RASAL2: variants seen among roughly 807,000 people sequenced by gnomAD.
RASAL2 encodes RAS protein activator like 2, also known as ras GTPase-activating protein nGAP.
A neutral mutation model predicts 128.9 loss-of-function variants in RASAL2; 58 were observed. That is an observed-to-expected ratio of 0.45 (90% confidence interval 0.36 to 0.56). RASAL2 has a LOEUF of 0.56. RASAL2 is among the 20% of genes least tolerant of loss of function. The pLI, the probability that RASAL2 is intolerant of heterozygous loss-of-function variation, is 0.00. For missense variants in RASAL2, 1,360 were observed against 1,601.6 expected (o/e 0.85, Z 2.57); for synonymous variants, 561 against 580.8 (o/e 0.97, Z 0.49).
At chr1:178,320,658 C>T (rs1407135222) in intron 3 of RASAL2, among the ~76,000 whole-genome samples, 2 of 152,154 alleles carry the variant, frequency 1.3e-5, no homozygotes, top group African/African-American at 2.4e-5. Flanking sequence ...GGCTCGCACA[C>T]GGTGCGCGCA....
At chr1:178,296,507 A>G (rs1273820604) in intron 2 of RASAL2, among the ~76,000 whole-genome samples, 1 of 150,752 alleles carries the variant, frequency 6.6e-6, no homozygotes, top group Non-Finnish European at 1.5e-5. Context: ...CTGCAGGTGC[A>G]TGCCACTACA....
At chr1:178,268,979 T>G (rs1666115664) in intron 1 of RASAL2, among the ~76,000 whole-genome samples, 1 of 152,252 alleles carries the variant, frequency 6.6e-6, no homozygotes, top group Non-Finnish European at 1.5e-5. Context: ...CTTGGTTTAC[T>G]TTCTATTATG....
At chr1:178,372,414 T>C (rs1671769995) in intron 3 of RASAL2, 1 of 912,762 alleles carries the variant, frequency 1.1e-6, no homozygotes, top group Non-Finnish European at 1.3e-6. Context: ...AAATCCACTT[T>C]TGTATTTTTA....
At chr1:178,398,865 A>G (rs1557957864) in intron 4 of RASAL2, among the ~76,000 whole-genome samples, 1 of 152,020 alleles carries the variant, frequency 6.6e-6, no homozygotes, top group Non-Finnish European at 1.5e-5. Context: ...CCCCACTGCC[A>G]TTTACTGACT....
intron 4 of RASAL2, among the ~76,000 whole-genome samples, chr1:178,404,122 A>T (rs941127021): frequency 6.7e-5 from 10 of 150,208 alleles, no homozygotes; most frequent in African/African-American, 2.4e-4. Context: ...GCTACTCGGG[A>T]GGCTGAGGCA....
rs1648825771 is a variant in RASAL2, at chr1:178,478,425, T to C, written c.*5186T>C. On this transcript the variant is annotated 3_prime_UTR_variant, in exon 18 of 18. Coordinates refer to ENST00000367649, the MANE Select transcript of RASAL2 (RefSeq NM_170692.4). ...TGACTGGTGCTTAGACATTTCCTAG[T>C]TATATTAACTTAAGCAGACAGCAGC... is the stretch of plus-strand genomic sequence containing the variant. 6.6e-6 allele frequency: 1 copy of C among 152,220 alleles called. No homozygotes were observed. Among genetic ancestry groups the C allele is most frequent in the Admixed American group, 6.5e-5 (1 of 15,274 alleles). The allele number at this position is 152,220 out of a possible 1,614,324, so 9.4% of individuals were successfully genotyped here. A position where few individuals can be genotyped will look rare whatever the true frequency, so the allele number is the denominator to read the frequency against.
At chr1:178,162,182 G>GTCTTGATC (rs1661328381) in intron 1 of RASAL2, among the ~76,000 whole-genome samples, 1 of 147,782 alleles carries the variant, frequency 6.8e-6, no homozygotes, top group Non-Finnish European at 1.5e-5. Flanking sequence ...AGCCAGGATG[G>GTCTTGATC]TCTTGATCTC....
At chr1:178,359,473 T>A (rs1328426853) in intron 3 of RASAL2, among the ~76,000 whole-genome samples, 1 of 152,230 alleles carries the variant, frequency 6.6e-6, no homozygotes, top group Non-Finnish European at 1.5e-5. Context: ...AGCCTTAGAA[T>A]TTTTTGTGTT....
intron 2 of RASAL2, among the ~76,000 whole-genome samples, chr1:178,288,642 CTTTTTTTTTTTT>C (rs60150701): frequency 9.3e-5 from 9 of 97,276 alleles, no homozygotes; most frequent in South Asian, 3.4e-4. Flanking sequence ...CTTTCTCTCT[CTTTTTTTTTTTT>C]TTTTTTTTTT....
At chr1:178,202,318 C>T (rs541824828) in intron 1 of RASAL2, among the ~76,000 whole-genome samples, 12 of 152,310 alleles carry the variant, frequency 7.9e-5, no homozygotes, top group African/African-American at 2.4e-4. Context: ...CCTTCTCTCC[C>T]CCAGCCTGCA....
chr1:178,129,035 A>G (rs1660001747), intron 1 of RASAL2, among the ~76,000 whole-genome samples: 1 of 152,118 alleles, frequency 6.6e-6, no homozygotes, highest in East Asian at 1.9e-4. Context: ...TATGTTTTAT[A>G]TAGTATGAAC....
chr1:178,452,741 C>G (rs1186283031), intron 11 of RASAL2, 89 bp downstream of exon 11: 1 of 1,011,210 alleles, frequency 9.9e-7, no homozygotes, highest in Non-Finnish European at 1.5e-6. Context: ...AGCCTCATCA[C>G]TCATGTTACC....
intron 1 of RASAL2, among the ~76,000 whole-genome samples, chr1:178,133,485 C>CT (rs928071975): frequency 0.1 from 13,862 of 137,030 alleles, 650 homozygotes; most frequent in Middle Eastern, 0.16. Context: ...CCTGTTACTT[C>CT]TTTTTTTTTT....
intron 1 of RASAL2, among the ~76,000 whole-genome samples, chr1:178,231,331 T>A (rs1169516751): frequency 6.6e-6 from 1 of 152,220 alleles, no homozygotes; most frequent in Non-Finnish European, 1.5e-5. Flanking sequence ...CCTTTAATAT[T>A]TTTTTGTGTG....
At chr1:178,276,480 A>G (rs2102190634) in intron 1 of RASAL2, among the ~76,000 whole-genome samples, 1 of 151,960 alleles carries the variant, frequency 6.6e-6, no homozygotes, top group East Asian at 1.9e-4. Flanking sequence ...AATCTGCAGT[A>G]TATTGTGGAC....
chr1:178,224,037 A>ATAT (rs1663706249), intron 1 of RASAL2, among the ~76,000 whole-genome samples: 1 of 152,312 alleles, frequency 6.6e-6, no homozygotes, highest in South Asian at 2.1e-4. Flanking sequence ...CAAAGAAGAC[A>ATAT]AAGTATGAAC....
chr1:178,269,355 A>G (rs1181453170), intron 1 of RASAL2, among the ~76,000 whole-genome samples: 2 of 152,226 alleles, frequency 1.3e-5, no homozygotes, highest in African/African-American at 2.4e-5. Context: ...GCAGACTAAG[A>G]CATTCCCCCA....
intron 13 of RASAL2, 152 bp downstream of exon 13, chr1:178,457,051 A>G: frequency 1.4e-6 from 1 of 697,136 alleles, no homozygotes; most frequent in Non-Finnish European, 2.4e-6. Context: ...TATTTGTCAT[A>G]ATAATGCACA....
chr1:178,320,172 C>G (rs973309991), intron 3 of RASAL2, among the ~76,000 whole-genome samples: 59 of 152,066 alleles, frequency 3.9e-4, no homozygotes, highest in Admixed American at 3.9e-4. Context: ...CAGCTGCGTG[C>G]TGGGAGAACC....
Sources: allele counts gnomAD v4.1 joint callset (sites outside exome capture counted in the v4.1 genomes callset), GRCh38; gene constraint gnomAD v4.1.1; transcripts MANE v1.5; gene names NCBI Gene and HGNC (gene_info 2026-07-23, HGNC 2026-07-21).